UXS1: variants seen among roughly 807,000 people sequenced by gnomAD.
The protein encoded by UXS1 is UDP-glucuronate decarboxylase 1, also known as UDP-glucuronic acid decarboxylase 1.
In UXS1, 33 loss-of-function variants were observed where a neutral mutation model predicts 62.6. That is an observed-to-expected ratio of 0.53 (90% CI 0.40 to 0.70). The LOEUF is 0.70. Ranked by LOEUF, UXS1 falls within the 30% of genes least tolerant of loss-of-function variation. The pLI, the probability that UXS1 is intolerant of heterozygous loss-of-function variation, is 0.00. For missense variants in UXS1, 434 were observed against 556.3 expected (o/e 0.78, Z 2.21); for synonymous variants, 213 against 206.8 (o/e 1.03, Z -0.26).
At chr2:106,103,987 T>G (rs1437224919) in intron 11 of UXS1, among the ~76,000 whole-genome samples, 1 of 151,604 alleles carries the variant, frequency 6.6e-6, no homozygotes, top group Non-Finnish European at 1.5e-5. Context: ...ACAGCCACCA[T>G]CTCACCCTAG....
intron 5 of UXS1, among the ~76,000 whole-genome samples, chr2:106,156,609 G>A (rs1393543874): frequency 6.6e-6 from 1 of 152,096 alleles, no homozygotes; most frequent in African/African-American, 2.4e-5. Context: ...CTCAGGTTCC[G>A]CATATAAAAT....
intron 6 of UXS1, among the ~76,000 whole-genome samples, chr2:106,136,965 C>CAAAAAAAAAAAAAAAAAAAAAAA (rs397701050): frequency 1.1e-4 from 6 of 54,174 alleles, no homozygotes; most frequent in East Asian, 5.8e-4. Context: ...AGAACACACA[C>CAAAAAAAAAAAAAAAAAAAAAAA]AAAAAAAAAA....
chr2:106,098,663 C>A (rs1677325132), intron 13 of UXS1, 53 bp downstream of exon 13: 2 of 1,477,714 alleles, frequency 1.4e-6, no homozygotes, highest in Non-Finnish European at 9.4e-7. Context: ...GTGTTATTAA[C>A]AGATAGGGCA....
intron 1 of UXS1, among the ~76,000 whole-genome samples, chr2:106,179,981 C>T (rs909760512): frequency 3.3e-5 from 5 of 152,134 alleles, no homozygotes; most frequent in Non-Finnish European, 7.4e-5. Flanking sequence ...TGGTGGTGTG[C>T]ACCTGTAATC....
chr2:106,130,517 G>T (rs968666440), intron 6 of UXS1, among the ~76,000 whole-genome samples: 2 of 152,190 alleles, frequency 1.3e-5, no homozygotes, highest in African/African-American at 4.8e-5. Context: ...TCTACTTTTA[G>T]CCAATGGTGA....
chr2:106,120,249 G>T (rs1679412784), intron 9 of UXS1, among the ~76,000 whole-genome samples: 1 of 152,174 alleles, frequency 6.6e-6, no homozygotes, highest in Admixed American at 6.5e-5. Flanking sequence ...TGGAGCTCAG[G>T]CAATACCACA....
rs1272759457 is a variant in UXS1, at chr2:106,093,788, G to A, written c.*238C>T. ...ATAAAAAAACTTGAAAATACGCAGA[G>A]ATGCATCTACGCTATTTTACATAAA... On this transcript the variant is annotated 3_prime_UTR_variant, in exon 15 of 15. Coordinates refer to ENST00000283148, the MANE Select transcript of UXS1 (RefSeq NM_001253875.2). 4.6e-6 allele frequency: 2 copies of A among 434,052 alleles called. No homozygotes were observed. 26.9% of individuals were successfully genotyped at this position (434,052 alleles called of 1,614,324 possible).
chr2:106,139,026 G>A (rs1035265181), intron 6 of UXS1: 5 of 308,460 alleles, frequency 1.6e-5, no homozygotes, highest in South Asian at 1.3e-4. Context: ...AATAACAACC[G>A]GCTTCGGAAT....
chr2:106,122,425 G>A (rs1679596766), intron 9 of UXS1, among the ~76,000 whole-genome samples: 1 of 152,206 alleles, frequency 6.6e-6, no homozygotes, highest in Admixed American at 6.5e-5. Flanking sequence ...TCACACAGCA[G>A]CACAGCCAGT....
intron 9 of UXS1, among the ~76,000 whole-genome samples, chr2:106,113,233 T>C (rs774558968): frequency 4.6e-5 from 7 of 152,206 alleles, no homozygotes; most frequent in Non-Finnish European, 8.8e-5. Flanking sequence ...AAGCTCTCTA[T>C]CTTAGGAAAA....
chr2:106,130,255 G>A (rs900652530), intron 6 of UXS1, among the ~76,000 whole-genome samples: 2 of 152,064 alleles, frequency 1.3e-5, no homozygotes, highest in Non-Finnish European at 2.9e-5. Context: ...AGACCATGGC[G>A]AGGGAGGGAG....
chr2:106,182,758 A>G (rs1051146691), intron 1 of UXS1, among the ~76,000 whole-genome samples: 1 of 133,088 alleles, frequency 7.5e-6, no homozygotes, highest in Admixed American at 7.8e-5. Context: ...TCACTGCAGG[A>G]TAGTTGGGTG....
At chr2:106,097,897 C>T (rs896962104) in intron 13 of UXS1, among the ~76,000 whole-genome samples, 1 of 152,232 alleles carries the variant, frequency 6.6e-6, no homozygotes, top group Non-Finnish European at 1.5e-5. Context: ...AAGACCGCTG[C>T]TTCTACTGCC....
intron 6 of UXS1, among the ~76,000 whole-genome samples, chr2:106,143,408 C>CAAAAAAAAAAAAAAAAAAAAAAAAAA (rs60493984): frequency 2.6e-5 from 1 of 38,654 alleles, no homozygotes; most frequent in Non-Finnish European, 4.4e-5. Context: ...GACTCCGTCT[C>CAAAAAAAAAAAAAAAAAAAAAAAAAA]AAAAAAAAAA....
intron 2 of UXS1, among the ~76,000 whole-genome samples, chr2:106,165,582 C>T (rs1422922298): frequency 2.0e-5 from 3 of 151,942 alleles, no homozygotes; most frequent in Non-Finnish European, 1.5e-5. Context: ...GTGCCTCCTG[C>T]CCTATGAAGA....
intron 5 of UXS1, among the ~76,000 whole-genome samples, chr2:106,156,664 T>A (rs369609383): frequency 2.0e-5 from 3 of 152,220 alleles, no homozygotes; most frequent in South Asian, 2.1e-4. Flanking sequence ...CCTGTATACT[T>A]TAAATCATCT....
intron 1 of UXS1, among the ~76,000 whole-genome samples, chr2:106,181,495 G>A (rs970715393): frequency 3.3e-5 from 5 of 152,188 alleles, no homozygotes; most frequent in African/African-American, 1.2e-4. Flanking sequence ...AAGACGGGCA[G>A]ATCACCTGAG....
At chr2:106,112,792 G>A (rs780865387) in intron 9 of UXS1, 27 bp from the exon 10 acceptor site, 4 of 1,609,348 alleles carry the variant, frequency 2.5e-6, no homozygotes, top group Admixed American at 3.4e-5. Flanking sequence ...AGGAGGTCAG[G>A]TGTGCTCCCC....
At chr2:106,179,161 A>C (rs1198074503) in intron 1 of UXS1, among the ~76,000 whole-genome samples, 2 of 151,928 alleles carry the variant, frequency 1.3e-5, no homozygotes, top group Non-Finnish European at 2.9e-5. Context: ...TCTCCAAATC[A>C]AGGCCAATCC....
Sources: gnomAD v4.1 joint callset for allele counts (sites outside exome capture counted in the v4.1 genomes callset) on GRCh38, gnomAD v4.1.1 for gene constraint, MANE v1.5 for transcripts, NCBI Gene and HGNC (gene_info 2026-07-23, HGNC 2026-07-21) for gene names.